The following STAC2 variants were observed in gnomAD, a reference collection of about 807,000 sequenced individuals.
The protein encoded by STAC2 is SH3 and cysteine rich domain 2, also known as SH3 and cysteine-rich domain-containing protein 2.
In STAC2, 36 loss-of-function variants were observed where a neutral mutation model predicts 49.0. The observed-to-expected ratio is 0.74, with a 90% CI of 0.56 to 0.97. The LOEUF (loss-of-function observed/expected upper bound fraction) is 0.97, where lower values mean the gene tolerates loss of function less well. Ranked by LOEUF, STAC2 falls within the 50% of genes least tolerant of loss-of-function variation. The probability of loss-of-function intolerance (pLI) is 0.00; values close to 1 mark genes in which losing one functional copy is unlikely to be tolerated. For synonymous variants in STAC2, 239 were observed against 214.7 expected (o/e 1.11, Z -0.99); for missense variants, 527 against 543.8 (o/e 0.97, Z 0.31).
chr17:39,212,043 A>G lies in STAC2; in HGVS notation c.*249T>C. 2.6e-6 allele frequency: 1 copy of G among 379,148 alleles called. No homozygotes were observed. The highest frequency in any genetic ancestry group is 4.8e-6 in the Non-Finnish European group (1 of 207,662). 23.5% of individuals were successfully genotyped at this position (379,148 alleles called of 1,614,324 possible). A position where few individuals can be genotyped will look rare whatever the true frequency, so the allele number is the denominator to read the frequency against. ...CTGGGCGTTGGGTGGACCTACCTGTAGCTTCCTCATTCCCTCCCACCCCAC... is the reference window on the plus strand; with the variant it reads ...CTGGGCGTTGGGTGGACCTACCTGTGGCTTCCTCATTCCCTCCCACCCCAC... On this transcript the variant is annotated 3_prime_UTR_variant, in exon 11 of 11. Transcript: ENST00000333461.
At position 39,216,853 on chromosome 17, in the gene STAC2, C is replaced by T. The variant is rs1208163645; in HGVS notation, c.543G>A (p.Glu181=). 1.9e-6 allele frequency: 3 copies of T among 1,603,770 alleles called. No individual in the cohort carries two copies. The highest frequency in any genetic ancestry group is 2.2e-5 in the South Asian group (2 of 88,974). Residue 181 remains glutamate, a synonymous_variant, in exon 4 of 11, where the codon GAG becomes GAA. Transcript: ENST00000333461. ...TGCTTGTGGCACAGACTGGTGGCGG[C>T]TCATGCACCAGGAGAGGGGAACTGA... ...RNFSSPLLVH[E]PPPVCATSKE...
intron 1 of STAC2, among the ~76,000 whole-genome samples, chr17:39,219,142 G>A (rs764491874): frequency 2.6e-5 from 4 of 152,006 alleles, no homozygotes; most frequent in East Asian, 1.9e-4. Flanking sequence ...CTAGCTCCTC[G>A]GGACACCGTC....
chr17:39,217,052 A>T, intron 3 of STAC2, 24 bp downstream of exon 3: 2 of 1,613,386 alleles, frequency 1.2e-6, no homozygotes, highest in Non-Finnish European at 1.7e-6. Context: ...TCAGCTGGCC[A>T]TCTCTGCCTG....
In STAC2 at chr17:39,218,012, C is replaced by T. The variant is rs772448950; in HGVS notation, c.252G>A (p.Ser84=). The T allele has an allele frequency of 5.2e-5, 77 of 1,488,936 alleles. No individual in the cohort carries two copies. The highest frequency in any genetic ancestry group is 7.8e-5 in the East Asian group (3 of 38,478). The allele number at this position is 1,488,936 out of a possible 1,614,324, so 92.2% of individuals were successfully genotyped here. A position where few individuals can be genotyped will look rare whatever the true frequency, so the allele number is the denominator to read the frequency against. Residue 84 remains serine (S), a synonymous_variant, in exon 2 of 11, where the codon TCG becomes TCA. Transcript: ENST00000333461. ...GGGATGGGGTAGCCAGGCCCCTGTC[C>T]GAGGCTGTGGGTGGTGGGGAGGGAG... is the stretch of plus-strand genomic sequence containing the variant. ...LPPPSPPPTA[S]DRGLATPSPS...
chr17:39,225,618 A>G lies in STAC2; in HGVS notation c.-116T>C. On this transcript the variant is annotated 5_prime_UTR_variant, in exon 1 of 11. Coordinates refer to ENST00000333461, the MANE Select transcript of STAC2 (RefSeq NM_198993.5). This position sits in a 1 kb window ranked among gnomAD's most constrained non-coding sequence, Gnocchi z 8.2. Reference sequence around the variant, plus strand: ...AAGCCGTTCTCCAGAGGCTGCCCCCAGTTAGCCCCCGGCACGGCAGCCCCC... The same window carrying G: ...AAGCCGTTCTCCAGAGGCTGCCCCCGGTTAGCCCCCGGCACGGCAGCCCCC... 2 of 1,012,522 alleles carry G rather than the reference A, an allele frequency of 2.0e-6. No individual in the cohort carries two copies. The highest frequency in any genetic ancestry group is 3.0e-6 in the Non-Finnish European group (2 of 672,410). The allele number at this position is 1,012,522 out of a possible 1,614,324, so 62.7% of individuals were successfully genotyped here. A position where few individuals can be genotyped will look rare whatever the true frequency, so the allele number is the denominator to read the frequency against.
In STAC2 at chr17:39,213,040, G is replaced by A; in HGVS notation, c.1086C>T (p.Phe362=). The A allele has an allele frequency of 6.2e-7, 1 of 1,614,004 alleles. No individual in the cohort carries two copies. Among genetic ancestry groups the A allele is most frequent in the Non-Finnish European group, 8.5e-7 (1 of 1,180,040 alleles). ...GENVWRCCQP[F]SGNKEQGYMS... ...TGTAACCCTGTTCCTTGTTCCCGGA[G>A]AAGGGTTGGCAGCAGCGCCAAACAT... The change falls in exon 10 of 11, where the codon TTC becomes TTT. Residue 362 remains phenylalanine (F), a synonymous_variant. Transcript: ENST00000333461.
rs1262547487 is a variant in STAC2 at position 39,216,855 on chromosome 17, C to G, written c.541G>C (p.Glu181Gln). Residue 181 changes from glutamate to glutamine, a missense_variant, in exon 4 of 11, where the codon GAG becomes CAG. Transcript: ENST00000333461. ...CTTGTGGCACAGACTGGTGGCGGCT[C>G]ATGCACCAGGAGAGGGGAACTGAAG... ...RNFSSPLLVHEPPPVCATSKE... is the reference protein window; with the variant it reads ...RNFSSPLLVHQPPPVCATSKE... 1 of 1,604,146 alleles carries G rather than the reference C, an allele frequency of 6.2e-7. No homozygotes were observed. The highest frequency in any genetic ancestry group is 8.5e-7 in the Non-Finnish European group (1 of 1,175,582).
At position 39,217,914 on chromosome 17, in the gene STAC2, A is replaced by T; in HGVS notation, c.350T>A (p.Val117Asp). ...PVRLHSFQEH[V>D]FKRASPCELC... is the part of the protein sequence containing the mutation. ...CTCACAAGGGCTAGCTCGCTTGAAG[A>T]CATGTTCCTGGAAGCTGTGCAGCCT... The change falls in exon 2 of 11, where the codon GTC becomes GAC. Residue 117 changes from valine (V) to aspartate (D), a missense_variant. Coordinates refer to ENST00000333461, the MANE Select transcript of STAC2 (RefSeq NM_198993.5). The T allele has an allele frequency of 6.2e-7, 1 of 1,607,026 alleles. No homozygotes were observed. Among genetic ancestry groups the T allele is most frequent in the Non-Finnish European group, 8.5e-7 (1 of 1,177,324 alleles).
intron 1 of STAC2, among the ~76,000 whole-genome samples, chr17:39,219,013 T>C (rs973740261): frequency 6.6e-6 from 1 of 152,060 alleles, no homozygotes; most frequent in Non-Finnish European, 1.5e-5. Flanking sequence ...CAGCCCTTAG[T>C]TCAGGCCCTG....
At position 39,221,021 on chromosome 17, in the gene STAC2, C is replaced by A. The variant is rs1313739147; in HGVS notation, c.91-2848G>T. ...CCGTGTTAGGCAGGATGGTCTCGAT[C>A]TCCTGACCTCGTGATCCGCCTGTTT... On this transcript the variant is annotated intron_variant, in intron 1 of 10. Transcript: ENST00000333461. Among the ~76,000 whole-genome samples, 5 of 151,612 alleles carry A rather than the reference C, an allele frequency of 3.3e-5. No individual in the cohort carries two copies. In the East Asian group the frequency reaches 9.7e-4, roughly 29 times the overall value.
In STAC2 at chr17:39,211,286, TTTC is replaced by T. The variant is rs201963278; in HGVS notation, c.*1003_*1005del. ...CAGCTCTTGGGTTTCCTTTTCTTTC[TTTC>T]TTTTTTTTTTTTTGAGACGGAGTCT... On this transcript the variant is annotated 3_prime_UTR_variant, in exon 11 of 11. Coordinates refer to ENST00000333461, the MANE Select transcript of STAC2 (RefSeq NM_198993.5). 0.084 allele frequency: 7,886 copies of T among 94,216 alleles called. 233 individuals are homozygous for T. The highest frequency in any genetic ancestry group is 0.099 in the Middle Eastern group (18 of 182). 5.8% of individuals were successfully genotyped at this position (94,216 alleles called of 1,614,324 possible).
In STAC2 at chr17:39,218,093, G is replaced by A; in HGVS notation, c.171C>T (p.Gly57=). ...KSLENFFLRS[G]SELKCPTEVL... is the part of the protein sequence containing the mutation. ...CCTCGGTGGGGCACTTGAGCTCAGA[G>A]CCCGAGCGAAGGAAGAAGTTCTCCA... Residue 57 remains glycine, a synonymous_variant, in exon 2 of 11, where the codon GGC becomes GGT. Transcript: ENST00000333461. 2.5e-6 allele frequency: 4 copies of A among 1,613,044 alleles called. No individual in the cohort carries two copies. The highest frequency in any genetic ancestry group is 3.4e-6 in the Non-Finnish European group (4 of 1,180,016).
intron 1 of STAC2, among the ~76,000 whole-genome samples, chr17:39,221,271 A>ATT (rs908254440): frequency 6.9e-6 from 1 of 144,620 alleles, no homozygotes; most frequent in East Asian, 2.1e-4. Flanking sequence ...AATTTTTTGT[A>ATT]TTTTTTTTTA....
At position 39,213,519 on chromosome 17, in the gene STAC2, C is replaced by A; in HGVS notation, c.981G>T (p.Glu327Asp). The change falls in exon 9 of 11, where the codon GAG becomes GAT. Residue 327 changes from glutamate (E) to aspartate (D), a missense_variant. Coordinates refer to ENST00000333461, the MANE Select transcript of STAC2 (RefSeq NM_198993.5). ...CCTGCCAAGTCACCTTCCACCAGTC[C>A]TCGTTAGAGTCATCCACCAGCATGA... is the stretch of plus-strand genomic sequence containing the variant. ...DRIMLVDDSNEDWWKGKIGDR... is the reference protein window; with the variant it reads ...DRIMLVDDSNDDWWKGKIGDR... The A allele has an allele frequency of 6.2e-7, 1 of 1,613,728 alleles. No individual in the cohort carries two copies.
chr17:39,217,105 TCTC>T lies in STAC2; in HGVS notation c.463_465del (p.Glu155del). 1.2e-6 allele frequency: 2 copies of T among 1,613,942 alleles called. No homozygotes were observed. On this transcript the variant is annotated inframe_deletion, in exon 3 of 11. Transcript: ENST00000333461. ...TTGCCTGGGCATTGCTGGTGGGAGA[TCTC>T]CTCAGAGCACCAGAGGTGGACGCTG... is the stretch of plus-strand genomic sequence containing the variant.
chr17:39,220,370 A>G (rs1453895637), intron 1 of STAC2, among the ~76,000 whole-genome samples: 1 of 152,190 alleles, frequency 6.6e-6, no homozygotes. Context: ...GGGTCGCCGG[A>G]GGATGTGCTG....
At chr17:39,215,046 G>C (rs750216876) in intron 5 of STAC2, 23 bp from the exon 6 acceptor site, 1 of 1,613,914 alleles carries the variant, frequency 6.2e-7, no homozygotes, top group African/African-American at 1.3e-5. Flanking sequence ...AGAGGAGAGG[G>C]CTCAGCCCCC....
At chr17:39,218,346 C>G (rs55771778) in intron 1 of STAC2, among the ~76,000 whole-genome samples, 173 bp from the exon 2 acceptor site, 1 of 151,586 alleles carries the variant, frequency 6.6e-6, no homozygotes, top group Non-Finnish European at 1.5e-5. Flanking sequence ...CAGGTCCCGA[C>G]GACACTTCGC....
chr17:39,215,009 C>T lies in STAC2; in HGVS notation c.714G>A (p.Glu238=). Residue 238 remains glutamate (E), a synonymous_variant, in exon 6 of 11, where the codon GAG becomes GAA. Transcript: ENST00000333461. ...TGCTGCCTTCCCCATCCTCGGTCAG[C>T]TCATCCCGCTCACTCTAGGGACAGA... ...SPTRSLSERD[E]LTEDGEGSIR... 6 of 1,614,090 alleles carry T rather than the reference C, an allele frequency of 3.7e-6. No individual in the cohort carries two copies. Among genetic ancestry groups the T allele is most frequent in the South Asian group, 1.1e-5 (1 of 91,080 alleles).
Sources: allele counts gnomAD v4.1 joint callset (sites outside exome capture counted in the v4.1 genomes callset), GRCh38; gene constraint gnomAD v4.1.1; non-coding constraint Gnocchi (gnomAD v3.1); transcripts MANE v1.5; gene names NCBI Gene and HGNC (gene_info 2026-07-23, HGNC 2026-07-21).